Variants in CRMP1 observed in about 807,000 individuals in gnomAD.
CRMP1 encodes dihydropyrimidinase-related protein 1.
CRMP1 carries 19 observed loss-of-function variants against 68.3 expected under a neutral mutation model. That is an observed-to-expected ratio of 0.28 (90% CI 0.19 to 0.41). The LOEUF is 0.41. Ranked by LOEUF, CRMP1 falls within the 10% of genes least tolerant of loss-of-function variation. CRMP1 has a pLI of 1.00. For synonymous variants in CRMP1, 439 were observed against 399.6 expected (o/e 1.10, Z -1.18); for missense variants, 791 against 967.4 (o/e 0.82, Z 2.42).
Position 5,842,453 on chromosome 4 carries a change from G to T in CRMP1, c.1032+640C>A, listed in dbSNP as rs1577772137. On this transcript the variant is annotated intron_variant, in intron 7 of 13. Transcript: ENST00000324989. The surrounding 1 kb of genome is among the most constrained non-coding windows in gnomAD (Gnocchi z 4.5). Reference sequence around the variant, plus strand: ...CAAAAAAAAAAAAAAAAAAAGAAAAGAAAGAAAGAAAGTAAAAAGAAGGTG... The same window carrying T: ...CAAAAAAAAAAAAAAAAAAAGAAAATAAAGAAAGAAAGTAAAAAGAAGGTG... 2.7e-5 allele frequency among the ~76,000 whole-genome samples: 4 copies of T among 147,192 alleles called. No individual in the cohort carries two copies. The South Asian group carries it at 6.5e-4, about 24-fold the overall frequency.
At position 5,853,594 on chromosome 4, in the gene CRMP1, A is replaced by C. The variant is rs1245273567; in HGVS notation, c.821-2125T>G. 6.6e-6 allele frequency among the ~76,000 whole-genome samples: 1 copy of C among 152,248 alleles called. No homozygotes were observed. Among genetic ancestry groups the C allele is most frequent in the East Asian group, 1.9e-4 (1 of 5,196 alleles). On this transcript the variant is annotated intron_variant, in intron 4 of 13. Transcript: ENST00000324989. The surrounding 1 kb of genome is among the most constrained non-coding windows in gnomAD (Gnocchi z 4.7). ...GCTTCAGCAGTCCCACTACCGGCTG[A>C]AAATCCAAAGGAATTGAAATCAGAA...
At chr4:5,876,379 G>C (rs1288945020) in intron 1 of CRMP1, among the ~76,000 whole-genome samples, 2 of 152,068 alleles carry the variant, frequency 1.3e-5, no homozygotes, top group African/African-American at 4.8e-5. Flanking sequence ...ATCACGAAGA[G>C]GTGGGTGTCA....
At chr4:5,885,667 G>A (rs946544526) in intron 1 of CRMP1, among the ~76,000 whole-genome samples, 1 of 152,136 alleles carries the variant, frequency 6.6e-6, no homozygotes, top group Non-Finnish European at 1.5e-5. Flanking sequence ...GGACAAGGCT[G>A]AGTGTCCCTG....
rs2152468080 is a variant in CRMP1 at position 5,861,512 on chromosome 4, C to T, written c.471-302G>A. Among the ~76,000 whole-genome samples, 1 of 152,298 alleles carries T rather than the reference C, an allele frequency of 6.6e-6. No individual in the cohort carries two copies. The highest frequency in any genetic ancestry group is 1.9e-4 in the East Asian group (1 of 5,178). ...CTTCCAGGTGGAGGGGGTGGCAGAG[C>T]TGAATCCAACAGAAGTGAGCCCAGC... is the stretch of plus-strand genomic sequence containing the variant. On this transcript the variant is annotated intron_variant, in intron 2 of 13. Transcript: ENST00000324989. This position sits in a 1 kb window ranked among gnomAD's most constrained non-coding sequence, Gnocchi z 6.0.
At position 5,866,788 on chromosome 4, in the gene CRMP1, T is replaced by G. The variant is rs1248609998; in HGVS notation, c.382-32A>C. The G allele has an allele frequency of 6.8e-7, 1 of 1,476,794 alleles. No individual in the cohort carries two copies. Among genetic ancestry groups the G allele is most frequent in the African/African-American group, 1.4e-5 (1 of 71,034 alleles). The allele number at this position is 1,476,794 out of a possible 1,614,324, so 91.5% of individuals were successfully genotyped here. The stretch of plus-strand genomic sequence containing the variant: ...AGCAAGGCAAAGTATTAAGGATCCT[T>G]GGTGAAAAGCCAGGATAAAGTTTTT... On this transcript the variant is annotated intron_variant, in intron 1 of 13. Transcript: ENST00000324989. This position sits in a 1 kb window ranked among gnomAD's most constrained non-coding sequence, Gnocchi z 5.9.
At chr4:5,831,898 A>G (rs11723228) in intron 11 of CRMP1, among the ~76,000 whole-genome samples, 71,521 of 152,104 alleles carry the variant, frequency 0.47, 20,048 homozygotes, top group African/African-American at 0.79. Context: ...CTCCAGGGAG[A>G]ACTGGTTTCT....
intron 13 of CRMP1, among the ~76,000 whole-genome samples, chr4:5,822,054 C>A (rs1169392639): frequency 2.0e-5 from 3 of 148,642 alleles, no homozygotes; most frequent in Non-Finnish European, 3.0e-5. Flanking sequence ...TGGGCTCCCC[C>A]CACCTTCAGC....
At chr4:5,887,857 C>A (rs1189848194) in intron 1 of CRMP1, 17 of 996,342 alleles carry the variant, frequency 1.7e-5, no homozygotes, top group South Asian at 9.4e-5. Flanking sequence ...CTCAGCTCAC[C>A]CTCCCACCCC....
intron 2 of CRMP1, among the ~76,000 whole-genome samples, chr4:5,864,312 T>C (rs1713821730): frequency 6.6e-6 from 1 of 152,148 alleles, no homozygotes; most frequent in Non-Finnish European, 1.5e-5. Flanking sequence ...CCTTTCAGGC[T>C]TCAGAAGCCC....
In CRMP1 at chr4:5,866,882, C is replaced by T; in HGVS notation, c.382-126G>A. ...GTAAAGGCATTTAACTTCCCCCGCCCCAGATCCATCACCAGCTTCAATACT... is the reference window on the plus strand; with the variant it reads ...GTAAAGGCATTTAACTTCCCCCGCCTCAGATCCATCACCAGCTTCAATACT... On this transcript the variant is annotated intron_variant, in intron 1 of 13. Transcript: ENST00000324989. This position sits in a 1 kb window ranked among gnomAD's most constrained non-coding sequence, Gnocchi z 5.9. 1 of 597,518 alleles carries T rather than the reference C, an allele frequency of 1.7e-6. No individual in the cohort carries two copies. The highest frequency in any genetic ancestry group is 2.9e-6 in the Non-Finnish European group (1 of 345,554). The allele number at this position is 597,518 out of a possible 1,614,324, so 37.0% of individuals were successfully genotyped here. A position where few individuals can be genotyped will look rare whatever the true frequency, so the allele number is the denominator to read the frequency against.
In CRMP1 at chr4:5,892,500, G is replaced by C. The variant is rs1715997586; in HGVS notation, c.381+89C>G. The C allele has an allele frequency of 8.9e-7, 1 of 1,125,798 alleles. No homozygotes were observed. Among genetic ancestry groups the C allele is most frequent in the Non-Finnish European group, 1.1e-6 (1 of 916,262 alleles). The allele number at this position is 1,125,798 out of a possible 1,614,324, so 69.7% of individuals were successfully genotyped here. A position where few individuals can be genotyped will look rare whatever the true frequency, so the allele number is the denominator to read the frequency against. On this transcript the variant is annotated intron_variant, in intron 1 of 13. Transcript: ENST00000324989. The surrounding 1 kb of genome is among the most constrained non-coding windows in gnomAD (Gnocchi z 8.6). ...CCTGGCGGCCGCTGCCCCAACACCG[G>C]GGCCCGGGCATGGCCCTCGGGCGCC... is the stretch of plus-strand genomic sequence containing the variant.
At chr4:5,852,895 G>A (rs889405794) in intron 4 of CRMP1, among the ~76,000 whole-genome samples, 2 of 152,158 alleles carry the variant, frequency 1.3e-5, no homozygotes, top group Admixed American at 1.3e-4. Context: ...GAAAAGGCAG[G>A]GAGACTGTTC....
intron 3 of CRMP1, among the ~76,000 whole-genome samples, chr4:5,857,018 CTGCT>C (rs1713159186): frequency 6.0e-5 from 1 of 16,578 alleles, no homozygotes; most frequent in Non-Finnish European, 1.4e-4. Flanking sequence ...TCACCACCAT[CTGCT>C]ATCATCACCA....
At chr4:5,830,945 G>C (rs1264935114) in intron 11 of CRMP1, among the ~76,000 whole-genome samples, 1 of 152,064 alleles carries the variant, frequency 6.6e-6, no homozygotes, top group Non-Finnish European at 1.5e-5. Flanking sequence ...TAAGTCTTTA[G>C]TTTTTTATTT....
Position 5,892,523 on chromosome 4 carries a change from GCCCCATGCCCTGGGT to G in CRMP1, c.381+51_381+65del. 11 of 1,154,666 alleles carry G rather than the reference GCCCCATGCCCTGGGT, an allele frequency of 9.5e-6. No homozygotes were observed. The highest frequency in any genetic ancestry group is 9.6e-6 in the Non-Finnish European group (9 of 937,864). 71.5% of individuals were successfully genotyped at this position (1,154,666 alleles called of 1,614,324 possible). Reference sequence around the variant, plus strand: ...CGGGGCCCGGGCATGGCCCTCGGGCGCCCCATGCCCTGGGTCCTCCCGGGGCCCGCCCCCCTCGTC... The same window carrying G: ...CGGGGCCCGGGCATGGCCCTCGGGCGCCTCCCGGGGCCCGCCCCCCTCGTC... On this transcript the variant is annotated intron_variant, in intron 1 of 13. Transcript: ENST00000324989. This position sits in a 1 kb window ranked among gnomAD's most constrained non-coding sequence, Gnocchi z 8.6.
intron 4 of CRMP1, 21 bp downstream of exon 4, chr4:5,856,122 C>T (rs770915375): frequency 8.7e-6 from 14 of 1,612,322 alleles, no homozygotes; most frequent in Middle Eastern, 1.7e-4. Flanking sequence ...CCCAAAACCC[C>T]GTTCCGAGGC....
At position 5,828,565 on chromosome 4, in the gene CRMP1, T is replaced by C; in HGVS notation, c.1727A>G (p.Asn576Ser). ...IVFEDGNINV[N>S]KGMGRFIPRK... ...CGGAATGAAGCGGCCCATGCCCTTG[T>C]TGACGTTGATGTTTCCGTCTTCAAA... Residue 576 changes from asparagine (N) to serine (S), a missense_variant, in exon 12 of 14, where the codon AAC becomes AGC. Physicochemically the swap from Asn to Ser is conservative, Grantham distance 46 (BLOSUM62 1). Coordinates refer to ENST00000324989, the MANE Select transcript of CRMP1 (RefSeq NM_001014809.3). The C allele has an allele frequency of 2.5e-6, 4 of 1,614,216 alleles. No homozygotes were observed. Among genetic ancestry groups the C allele is most frequent in the Non-Finnish European group, 3.4e-6 (4 of 1,180,024 alleles).
chr4:5,825,776 G>T lies in CRMP1; in HGVS notation c.1804-117C>A. The T allele has an allele frequency of 1.1e-6, 1 of 903,552 alleles. No individual in the cohort carries two copies. The highest frequency in any genetic ancestry group is 1.7e-6 in the Non-Finnish European group (1 of 593,516). 56.0% of individuals were successfully genotyped at this position (903,552 alleles called of 1,614,324 possible). A position where few individuals can be genotyped will look rare whatever the true frequency, so the allele number is the denominator to read the frequency against. ...ACCTGAGGTCACTTCAAATGTGCATGCACACACACACACAACACGCACACA... is the reference window on the plus strand; with the variant it reads ...ACCTGAGGTCACTTCAAATGTGCATTCACACACACACACAACACGCACACA... On this transcript the variant is annotated intron_variant, in intron 12 of 13. Transcript: ENST00000324989. This position sits in a 1 kb window ranked among gnomAD's most constrained non-coding sequence, Gnocchi z 4.4.
chr4:5,847,543 T>C (rs1459402431), intron 6 of CRMP1, among the ~76,000 whole-genome samples: 2 of 152,224 alleles, frequency 1.3e-5, no homozygotes, highest in African/African-American at 4.8e-5. Flanking sequence ...CAGAATACTC[T>C]TGCATGATGG....
Sources: gnomAD v4.1 joint callset for allele counts (sites outside exome capture counted in the v4.1 genomes callset) on GRCh38, gnomAD v4.1.1 for gene constraint, Gnocchi (gnomAD v3.1) non-coding constraint, MANE v1.5 for transcripts, NCBI Gene and HGNC (gene_info 2026-07-23, HGNC 2026-07-21) for gene names.